Variants in CPS1 observed in about 807,000 individuals in gnomAD.
The protein encoded by CPS1 is carbamoyl-phosphate synthase 1.
In CPS1, 109 loss-of-function variants were observed where a neutral mutation model predicts 174.6. The ratio of observed to expected loss-of-function variants is 0.62; its 90% CI spans 0.53 to 0.73. The LOEUF is 0.73. Among genes scored for constraint, CPS1 ranks in the 30% least tolerant of loss-of-function variants. The pLI is 0.00. For synonymous variants in CPS1, 637 were observed against 632.0 expected (o/e 1.01, Z -0.12); for missense variants, 1,689 against 1,821.9 (o/e 0.93, Z 1.33).
At chr2:210,548,547 A>G (rs1696623569) in intron 1 of CPS1, among the ~76,000 whole-genome samples, 1 of 152,058 alleles carries the variant, frequency 6.6e-6, no homozygotes, top group African/African-American at 2.4e-5. Context: ...TCAACACTCA[A>G]AGGCATGTCA....
At chr2:210,552,071 A>G (rs1249784105), upstream of CPS1, among the ~76,000 whole-genome samples, 4 of 151,904 alleles carry the variant, frequency 2.6e-5, no homozygotes, top group Non-Finnish European at 5.9e-5. Flanking sequence ...TTGTTATGAT[A>G]CTAAGGCTAA....
rs1698262844 is a variant in CPS1, at chr2:210,590,654, A to G, written c.841-146A>G. On this transcript the variant is annotated intron_variant, in intron 8 of 37. Transcript: ENST00000233072. ...GAATTATAATGCTACAAATTTGTCA[A>G]TTATGTCCTTTTTTATATTCTTCTT... 11 of 653,436 alleles carry G rather than the reference A, an allele frequency of 1.7e-5. 1 individual carries two copies. Among genetic ancestry groups the G allele is most frequent in the South Asian group, 7.0e-5 (4 of 57,196 alleles). 40.5% of individuals were successfully genotyped at this position (653,436 alleles called of 1,614,324 possible).
intron 21 of CPS1, among the ~76,000 whole-genome samples, chr2:210,616,745 C>T (rs559825406): frequency 6.6e-6 from 1 of 150,578 alleles, no homozygotes. Context: ...ATCCATTAAT[C>T]TTTTTAATCA....
chr2:210,551,606 C>T (rs756968673), upstream of CPS1, among the ~76,000 whole-genome samples: 1 of 151,778 alleles, frequency 6.6e-6, no homozygotes, highest in South Asian at 2.1e-4. Context: ...ATCACATGTG[C>T]CCTGAGCTTT....
At chr2:210,640,744 T>C (rs940703882) in intron 24 of CPS1, among the ~76,000 whole-genome samples, 2 of 152,204 alleles carry the variant, frequency 1.3e-5, no homozygotes, top group Non-Finnish European at 2.9e-5. Context: ...TTAAATCTTA[T>C]TCTATTACTT....
intron 1 of CPS1, among the ~76,000 whole-genome samples, chr2:210,541,150 A>G (rs1696412357): frequency 6.6e-6 from 1 of 152,150 alleles, no homozygotes; most frequent in Non-Finnish European, 1.5e-5. Context: ...AGAGGGACAA[A>G]TGTTCAGAGT....
At chr2:210,549,729 A>T (rs1696673149) in intron 1 of CPS1, among the ~76,000 whole-genome samples, 1 of 152,066 alleles carries the variant, frequency 6.6e-6, no homozygotes, top group South Asian at 2.1e-4. Context: ...TGAAGATTTC[A>T]TCCAGCTATG....
chr2:210,639,027 C>T (rs550137551), intron 22 of CPS1, 123 bp from the exon 23 acceptor site: 1 of 736,648 alleles, frequency 1.4e-6, no homozygotes, highest in East Asian at 2.8e-5. Context: ...CATACATTTT[C>T]CTGTTTGCAT....
chr2:210,509,929 A>G (rs903722440), intron 1 of CPS1, among the ~76,000 whole-genome samples: 1 of 152,182 alleles, frequency 6.6e-6, no homozygotes, highest in African/African-American at 2.4e-5. Context: ...AACAATCAAT[A>G]TCGTGAAAAT....
intron 21 of CPS1, among the ~76,000 whole-genome samples, chr2:210,628,031 G>A (rs1343405825): frequency 2.0e-5 from 3 of 152,036 alleles, no homozygotes; most frequent in African/African-American, 7.3e-5. Context: ...CAGGTTTTGG[G>A]CAAAGGTATT....
chr2:210,528,323 G>A (rs1277206932), intron 1 of CPS1, among the ~76,000 whole-genome samples: 1 of 151,730 alleles, frequency 6.6e-6, no homozygotes, highest in East Asian at 1.9e-4. Flanking sequence ...TATAAAAATT[G>A]TTTTTACACT....
chr2:210,656,661 GA>G, intron 30 of CPS1, 29 bp downstream of exon 30: 1 of 1,507,522 alleles, frequency 6.6e-7, no homozygotes, highest in Non-Finnish European at 9.2e-7. Flanking sequence ...AAGTGGAAGG[GA>G]AAAGGCAACA....
intron 1 of CPS1, among the ~76,000 whole-genome samples, chr2:210,545,776 A>G (rs1471266650): frequency 6.6e-6 from 1 of 151,938 alleles, no homozygotes; most frequent in African/African-American, 2.4e-5. Flanking sequence ...TGATCATCAG[A>G]CCTTTTAGCC....
At chr2:210,632,417 C>CT (rs991768039) in intron 21 of CPS1, among the ~76,000 whole-genome samples, 15 of 151,720 alleles carry the variant, frequency 9.9e-5, no homozygotes, top group Non-Finnish European at 1.8e-4. Flanking sequence ...TTTGAACTGT[C>CT]TTTTTTTTTC....
At chr2:210,544,561 A>C (rs1265435738) in intron 1 of CPS1, among the ~76,000 whole-genome samples, 2 of 152,080 alleles carry the variant, frequency 1.3e-5, no homozygotes, top group Non-Finnish European at 2.9e-5. Flanking sequence ...GCTTAACTCT[A>C]TGTAACATTT....
intron 14 of CPS1, 39 bp from the exon 15 acceptor site, chr2:210,600,516 C>G: frequency 6.2e-7 from 1 of 1,605,522 alleles, no homozygotes; most frequent in Non-Finnish European, 8.5e-7. Context: ...GCACAAAATT[C>G]AAGATTTTAA....
intron 1 of CPS1, among the ~76,000 whole-genome samples, chr2:210,518,264 T>G (rs557120143): frequency 8.1e-4 from 123 of 152,116 alleles, no homozygotes; most frequent in Non-Finnish European, 7.9e-4. Context: ...GTGGGAGAGA[T>G]AGTATTGCTG....
At chr2:210,634,322 C>T (rs112302136) in intron 21 of CPS1, among the ~76,000 whole-genome samples, 10,194 of 152,120 alleles carry the variant, frequency 0.067, 516 homozygotes, top group African/African-American at 0.13. Flanking sequence ...CCCAGCTACT[C>T]GGGAGGCTGA....
intron 33 of CPS1, among the ~76,000 whole-genome samples, chr2:210,666,134 G>A (rs1701087834): frequency 6.6e-6 from 1 of 151,958 alleles, no homozygotes; most frequent in Non-Finnish European, 1.5e-5. Context: ...CTTTTGAGAA[G>A]TGTCTGTTCA....
Sources: gnomAD v4.1 joint callset for allele counts (sites outside exome capture counted in the v4.1 genomes callset) on GRCh38, gnomAD v4.1.1 for gene constraint, MANE v1.5 for transcripts, NCBI Gene and HGNC (gene_info 2026-07-23, HGNC 2026-07-21) for gene names.